SCARA5: variants seen among roughly 807,000 people sequenced by gnomAD.
The protein encoded by SCARA5 is scavenger receptor class A member 5, also known as scavenger receptor class A, member 5 (putative).
Under a neutral mutation model 46.3 loss-of-function variants are expected in SCARA5, and 45 were observed. The ratio of observed to expected loss-of-function variants is 0.97; its 90% confidence interval spans 0.76 to 1.24. SCARA5 has a LOEUF of 1.24. Ranked by LOEUF, SCARA5 falls within the 50% of genes most tolerant of loss-of-function variation. SCARA5 has a pLI of 0.00. For missense variants in SCARA5, 680 were observed against 689.0 expected (o/e 0.99, Z 0.15); for synonymous variants, 333 against 306.5 (o/e 1.09, Z -0.90).
chr8:27,964,019 A>G (rs1160563503), intron 3 of SCARA5, among the ~76,000 whole-genome samples: 1 of 152,228 alleles, frequency 6.6e-6, no homozygotes, highest in Non-Finnish European at 1.5e-5. Flanking sequence ...GACACCCAAC[A>G]GAAGGCCAGG....
chr8:27,955,992 G>A (rs992756160), intron 3 of SCARA5, among the ~76,000 whole-genome samples: 6 of 152,138 alleles, frequency 3.9e-5, no homozygotes, highest in Non-Finnish European at 8.8e-5. Context: ...GCAGGTTTGG[G>A]AGAGAAAAGT....
At chr8:27,893,712 C>T (rs563643327) in intron 7 of SCARA5, among the ~76,000 whole-genome samples, 6 of 152,338 alleles carry the variant, frequency 3.9e-5, no homozygotes, top group African/African-American at 1.4e-4. Context: ...TTCACTTACT[C>T]GCCCTGGCAT....
intron 3 of SCARA5, among the ~76,000 whole-genome samples, chr8:27,957,429 A>G (rs1037626881): frequency 6.6e-6 from 1 of 152,250 alleles, no homozygotes; most frequent in African/African-American, 2.4e-5. Flanking sequence ...AACACTTCGA[A>G]GTGGGCAGAG....
In SCARA5 at chr8:27,937,338, C is replaced by T. The variant is rs543852568; in HGVS notation, c.242-15093G>A. 7.9e-5 allele frequency among the ~76,000 whole-genome samples: 12 copies of T among 152,256 alleles called. No homozygotes were observed. The South Asian group carries it at 1.5e-3, about 18-fold the overall frequency. On this transcript the variant is annotated intron_variant, in intron 3 of 8. Transcript: ENST00000354914. Reference sequence around the variant, plus strand: ...AACCTGGGACTCACCTATGCATGACCTTCACCCTCTGGGAAGTCCCGATCC... The same window carrying T: ...AACCTGGGACTCACCTATGCATGACTTTCACCCTCTGGGAAGTCCCGATCC...
intron 3 of SCARA5, among the ~76,000 whole-genome samples, chr8:27,931,534 T>TA (rs1235579798): frequency 6.6e-6 from 1 of 152,148 alleles, no homozygotes; most frequent in Non-Finnish European, 1.5e-5. Context: ...TCTAGGCACC[T>TA]ATAAGTATCT....
intron 4 of SCARA5, among the ~76,000 whole-genome samples, chr8:27,920,324 A>T (rs1421969237): frequency 6.6e-6 from 1 of 152,122 alleles, no homozygotes; most frequent in African/African-American, 2.4e-5. Flanking sequence ...AATAATTTTT[A>T]AAAACTGGCC....
At chr8:27,930,625 C>T (rs1271858240) in intron 3 of SCARA5, among the ~76,000 whole-genome samples, 2 of 152,184 alleles carry the variant, frequency 1.3e-5, no homozygotes, top group Admixed American at 6.5e-5. Flanking sequence ...TGGTCTCGAA[C>T]TCCGGACCTC....
At chr8:27,974,691 C>A (rs991251405) in intron 2 of SCARA5, among the ~76,000 whole-genome samples, 9 of 101,552 alleles carry the variant, frequency 8.9e-5, no homozygotes, top group African/African-American at 3.3e-4. Context: ...AACAGGCAGC[C>A]ACAAATAACC....
chr8:27,961,559 G>T (rs1168668327), intron 3 of SCARA5, among the ~76,000 whole-genome samples: 2 of 152,156 alleles, frequency 1.3e-5, no homozygotes, highest in Non-Finnish European at 2.9e-5. Flanking sequence ...TAGGGAGTAC[G>T]CTGATTTCCC....
At chr8:27,899,092 G>A (rs1328919526) in intron 7 of SCARA5, among the ~76,000 whole-genome samples, 13 of 152,310 alleles carry the variant, frequency 8.5e-5, no homozygotes, top group East Asian at 5.8e-4. Context: ...TCAAACCCAC[G>A]GAGGGGGTCT....
chr8:27,932,877 C>T (rs893524215), intron 3 of SCARA5, among the ~76,000 whole-genome samples: 8 of 152,220 alleles, frequency 5.3e-5, no homozygotes, highest in East Asian at 1.9e-4. Context: ...ATGATCCGCC[C>T]ATCTCGGCCT....
chr8:27,975,471 C>T (rs924075373), intron 2 of SCARA5, among the ~76,000 whole-genome samples: 5 of 151,754 alleles, frequency 3.3e-5, no homozygotes, highest in Admixed American at 6.6e-5. Context: ...GAAGTGGGTG[C>T]GGGGTGGGAG....
chr8:27,934,783 C>T (rs1807829019), intron 3 of SCARA5, among the ~76,000 whole-genome samples: 1 of 152,232 alleles, frequency 6.6e-6, no homozygotes, highest in Non-Finnish European at 1.5e-5. Context: ...CACTTATACT[C>T]CTCTGGCCTC....
At chr8:27,885,656 A>G (rs2129688403) in intron 7 of SCARA5, among the ~76,000 whole-genome samples, 1 of 152,286 alleles carries the variant, frequency 6.6e-6, no homozygotes, top group East Asian at 1.9e-4. Context: ...CCAAATCTCC[A>G]GCATCCTCTT....
chr8:27,911,187 T>A (rs1052884873), intron 4 of SCARA5, among the ~76,000 whole-genome samples: 1 of 152,212 alleles, frequency 6.6e-6, no homozygotes, highest in South Asian at 2.1e-4. Context: ...CCCAGTGTGC[T>A]GAAAGTTAGT....
chr8:27,980,694 CA>C (rs1808601144), intron 2 of SCARA5, among the ~76,000 whole-genome samples: 1 of 152,204 alleles, frequency 6.6e-6, no homozygotes, highest in African/African-American at 2.4e-5. Flanking sequence ...TAGCAAACCT[CA>C]GGGGGCCCCT....
chr8:27,989,781 G>A (rs907761958), intron 1 of SCARA5, among the ~76,000 whole-genome samples: 3 of 152,150 alleles, frequency 2.0e-5, no homozygotes, highest in Admixed American at 6.5e-5. Context: ...TCCCAATTCC[G>A]GCCCTCCACC....
At position 27,880,806 on chromosome 8, in the gene SCARA5, G is replaced by A. The variant is rs576170530; in HGVS notation, c.1154-1040C>T. Among the ~76,000 whole-genome samples, 34 of 137,362 alleles carry A rather than the reference G, an allele frequency of 2.5e-4. 1 individual carries two copies. The highest frequency in any genetic ancestry group is 5.6e-4 in the African/African-American group (20 of 35,760). 90.1% of individuals were successfully genotyped at this position (137,362 alleles called of 152,430 possible). ...GGAGGTTAAGGCTGCAGTGAGCCACGTTTGTGCCACTGCACTCCAGCATGC... is the reference window on the plus strand; with the variant it reads ...GGAGGTTAAGGCTGCAGTGAGCCACATTTGTGCCACTGCACTCCAGCATGC... On this transcript the variant is annotated intron_variant, in intron 7 of 8. Transcript: ENST00000354914.
chr8:27,990,457 C>T (rs1808772060), intron 1 of SCARA5, among the ~76,000 whole-genome samples: 1 of 152,092 alleles, frequency 6.6e-6, no homozygotes, highest in African/African-American at 2.4e-5. Flanking sequence ...AAGTGCTCCT[C>T]CCAGGAGCAC....
Sources: allele counts gnomAD v4.1 joint callset (sites outside exome capture counted in the v4.1 genomes callset), GRCh38; gene constraint gnomAD v4.1.1; transcripts MANE v1.5; gene names NCBI Gene and HGNC (gene_info 2026-07-23, HGNC 2026-07-21).